The following SIAH1 variants were observed in gnomAD, a reference collection of about 807,000 sequenced individuals.
The protein encoded by SIAH1 is siah E3 ubiquitin protein ligase 1, also known as E3 ubiquitin-protein ligase SIAH1.
Under a neutral mutation model 20.0 loss-of-function variants are expected in SIAH1, and 2 were observed. That is an observed-to-expected ratio of 0.10 (90% CI 0.04 to 0.31). SIAH1 has a LOEUF of 0.31. SIAH1 is among the 10% of genes least tolerant of loss of function. The probability of loss-of-function intolerance (pLI) is 1.00; values close to 1 mark genes in which losing one functional copy is unlikely to be tolerated. For missense variants in SIAH1, 119 were observed against 355.3 expected, an observed-to-expected ratio of 0.33 and a Z score of 5.35; for synonymous variants, 118 against 125.3, an observed-to-expected ratio of 0.94 and a Z score of 0.39.
Position 48,365,932 on chromosome 16 carries a change from C to T in SIAH1, c.-2-3502G>A, listed in dbSNP as rs554656748. 378 of 1,216,658 alleles carry T rather than the reference C, an allele frequency of 3.1e-4. 1 individual carries two copies. In the Middle Eastern group the frequency reaches 4.8e-3, roughly 16 times the overall value. 75.4% of individuals were successfully genotyped at this position (1,216,658 alleles called of 1,614,324 possible). A position where few individuals can be genotyped will look rare whatever the true frequency, so the allele number is the denominator to read the frequency against. ...GAGCCATTTGGAGCCTCGGCCGGGG[C>T]TGGGCCTGCGTTGGGAACGCCTACT... is the stretch of plus-strand genomic sequence containing the variant. On this transcript the variant is annotated intron_variant, in intron 1 of 1. Transcript: ENST00000394725.
At chr16:48,366,653 G>A (rs1364965379) in intron 1 of SIAH1, among the ~76,000 whole-genome samples, 2 of 152,174 alleles carry the variant, frequency 1.3e-5, no homozygotes, top group Admixed American at 6.5e-5. Flanking sequence ...CAGCTAGTGC[G>A]TGCAGAGGTT....
intron 1 of SIAH1, among the ~76,000 whole-genome samples, chr16:48,369,061 C>A (rs953840525): frequency 6.6e-6 from 1 of 152,164 alleles, no homozygotes; most frequent in Non-Finnish European, 1.5e-5. Context: ...GCTTCTTACA[C>A]AATGACAAAA....
chr16:48,380,143 C>T (rs774866255), intron 1 of SIAH1, among the ~76,000 whole-genome samples: 57 of 152,158 alleles, frequency 3.7e-4, no homozygotes, highest in Non-Finnish European at 6.6e-4. Context: ...GAACTGTTAT[C>T]CAAAATATGC....
intron 1 of SIAH1, among the ~76,000 whole-genome samples, chr16:48,379,467 G>C (rs552460118): frequency 6.6e-6 from 1 of 152,268 alleles, no homozygotes; most frequent in South Asian, 2.1e-4. Context: ...AGGCAATAAG[G>C]CTAGAGAAGT....
At chr16:48,369,320 G>C (rs184563237) in intron 1 of SIAH1, among the ~76,000 whole-genome samples, 250 of 152,262 alleles carry the variant, frequency 1.6e-3, no homozygotes, top group Admixed American at 5.2e-3. Flanking sequence ...TGGAGATGAG[G>C]GAAACCCAGG....
At chr16:48,379,624 A>T (rs1006228266) in intron 1 of SIAH1, among the ~76,000 whole-genome samples, 1 of 152,248 alleles carries the variant, frequency 6.6e-6, no homozygotes, top group Non-Finnish European at 1.5e-5. Flanking sequence ...CTTGAGACAC[A>T]AGGATGACCA....
At position 48,385,375 on chromosome 16, in the gene SIAH1, C is replaced by G. The variant is rs1961428682; in HGVS notation, c.-174G>C. 6.7e-6 allele frequency: 1 copy of G among 149,326 alleles called. No individual in the cohort carries two copies. Among genetic ancestry groups the G allele is most frequent in the Admixed American group, 6.8e-5 (1 of 14,698 alleles). 9.3% of individuals were successfully genotyped at this position (149,326 alleles called of 1,614,324 possible). A position where few individuals can be genotyped will look rare whatever the true frequency, so the allele number is the denominator to read the frequency against. On this transcript the variant is annotated 5_prime_UTR_variant, in exon 1 of 2. Coordinates refer to ENST00000394725, the MANE Select transcript of SIAH1 (RefSeq NM_003031.4). ...GCCCCGCAACGGCCGCCCCGGCTCC[C>G]CCCTGGCCGCCGCCGCCGCCGCCGT...
At chr16:48,373,530 C>G (rs189078547) in intron 1 of SIAH1, among the ~76,000 whole-genome samples, 91 of 152,232 alleles carry the variant, frequency 6.0e-4, no homozygotes, top group African/African-American at 2.0e-3. Flanking sequence ...ATTCAGAATC[C>G]AACCATTCCT....
chr16:48,380,573 T>C (rs1373550055), intron 1 of SIAH1, among the ~76,000 whole-genome samples: 3 of 151,948 alleles, frequency 2.0e-5, no homozygotes, highest in Admixed American at 1.3e-4. Flanking sequence ...ACAACTAGCA[T>C]ATGAAATGAT....
At chr16:48,379,331 C>T (rs1034496913) in intron 1 of SIAH1, among the ~76,000 whole-genome samples, 6 of 152,136 alleles carry the variant, frequency 3.9e-5, no homozygotes, top group African/African-American at 7.2e-5. Flanking sequence ...CAGTAATCTA[C>T]CCAAAGTAGC....
chr16:48,382,636 C>CG (rs1255544287), intron 1 of SIAH1, among the ~76,000 whole-genome samples: 1 of 151,712 alleles, frequency 6.6e-6, no homozygotes, highest in Non-Finnish European at 1.5e-5. Context: ...CCTTTTTTGG[C>CG]GGGGGGATGG....
intron 1 of SIAH1, among the ~76,000 whole-genome samples, chr16:48,364,362 T>G (rs928990973): frequency 6.6e-6 from 1 of 152,214 alleles, no homozygotes; most frequent in Non-Finnish European, 1.5e-5. Context: ...AAATGCAACT[T>G]AGGTTTAGAT....
intron 1 of SIAH1, chr16:48,363,102 A>C (rs1960668566): frequency 6.0e-6 from 1 of 167,156 alleles, no homozygotes; most frequent in African/African-American, 2.4e-5. Flanking sequence ...CAGGGACTTG[A>C]GCATCCTCAG....
intron 1 of SIAH1, among the ~76,000 whole-genome samples, chr16:48,371,114 CAAAA>C (rs11342599): frequency 1.8e-5 from 2 of 111,356 alleles, no homozygotes; most frequent in Admixed American, 9.1e-5. Context: ...AATTCCATCT[CAAAA>C]AAAAAAAAAA....
chr16:48,379,092 G>A (rs1961187044), intron 1 of SIAH1, among the ~76,000 whole-genome samples: 1 of 152,150 alleles, frequency 6.6e-6, no homozygotes, highest in Non-Finnish European at 1.5e-5. Flanking sequence ...ATGCAAAGTA[G>A]GCAGTGTCTC....
chr16:48,384,742 G>A (rs1388782597), intron 1 of SIAH1, among the ~76,000 whole-genome samples: 4 of 151,024 alleles, frequency 2.6e-5, no homozygotes, highest in East Asian at 2.0e-4. Context: ...GGGAGGGAGG[G>A]CAGGGCCCCG....
chr16:48,375,317 C>A (rs1018074116), intron 1 of SIAH1, among the ~76,000 whole-genome samples: 1 of 152,150 alleles, frequency 6.6e-6, no homozygotes, highest in Non-Finnish European at 1.5e-5. Flanking sequence ...GACTTACTAA[C>A]ATGTAAGAAT....
chr16:48,366,123 G>A (rs1960832622), intron 1 of SIAH1, among the ~76,000 whole-genome samples: 1 of 149,826 alleles, frequency 6.7e-6, no homozygotes, highest in Admixed American at 6.6e-5. Flanking sequence ...CCACCCCAGC[G>A]ACATCGAACC....
chr16:48,365,546 G>A, intron 1 of SIAH1: 6 of 1,566,050 alleles, frequency 3.8e-6, no homozygotes, highest in Non-Finnish European at 5.2e-6. Flanking sequence ...GGCTCTTTCT[G>A]CTCCTAAGCA....
Sources: allele counts gnomAD v4.1 joint callset (sites outside exome capture counted in the v4.1 genomes callset), GRCh38; gene constraint gnomAD v4.1.1; transcripts MANE v1.5; gene names NCBI Gene and HGNC (gene_info 2026-07-23, HGNC 2026-07-21).